Variants in CNTN4 observed in about 807,000 individuals in gnomAD.
CNTN4 encodes the protein contactin 4.
A neutral mutation model predicts 122.5 loss-of-function variants in CNTN4; 77 were observed. That is an observed-to-expected ratio of 0.63 (90% CI 0.52 to 0.76). CNTN4 has a LOEUF of 0.76. CNTN4 is among the 30% of genes least tolerant of loss of function. The probability of loss-of-function intolerance (pLI) is 0.00; values close to 1 mark genes in which losing one functional copy is unlikely to be tolerated. For synonymous variants in CNTN4, 512 were observed against 447.0 expected (o/e 1.15, Z -1.83); for missense variants, 1,256 against 1,259.1 (o/e 1.00, Z 0.04).
chr3:2,922,854 G>A (rs1242292150), intron 12 of CNTN4, among the ~76,000 whole-genome samples: 1 of 152,008 alleles, frequency 6.6e-6, no homozygotes, highest in African/African-American at 2.4e-5. Context: ...CATGTGATCT[G>A]CCCACCTCAG....
At chr3:2,722,694 G>A (rs1436047300) in intron 4 of CNTN4, among the ~76,000 whole-genome samples, 1 of 152,172 alleles carries the variant, frequency 6.6e-6, no homozygotes, top group Non-Finnish European at 1.5e-5. Context: ...TTCACAGAAA[G>A]GGTTTTTGCT....
At chr3:2,772,710 A>C (rs2091156974) in intron 6 of CNTN4, among the ~76,000 whole-genome samples, 2 of 152,234 alleles carry the variant, frequency 1.3e-5, no homozygotes, top group African/African-American at 4.8e-5. Context: ...CAGCAGTTGA[A>C]TATATGAGAA....
intron 2 of CNTN4, among the ~76,000 whole-genome samples, chr3:2,178,357 G>C (rs1236384762): frequency 6.6e-6 from 1 of 151,922 alleles, no homozygotes; most frequent in Non-Finnish European, 1.5e-5. Context: ...GTCAGAATAT[G>C]GAATAGGAAG....
intron 3 of CNTN4, among the ~76,000 whole-genome samples, chr3:2,518,717 A>T (rs1269658442): frequency 6.6e-6 from 1 of 152,174 alleles, no homozygotes; most frequent in Non-Finnish European, 1.5e-5. Flanking sequence ...GGATAAACCT[A>T]AAAGTTTTGA....
intron 3 of CNTN4, among the ~76,000 whole-genome samples, chr3:2,547,692 G>A (rs1303357139): frequency 1.3e-5 from 2 of 152,096 alleles, no homozygotes; most frequent in African/African-American, 4.8e-5. Context: ...AAATGCCTAG[G>A]GAAGGTAGCT....
chr3:2,155,503 G>A (rs2035680997), intron 2 of CNTN4, among the ~76,000 whole-genome samples: 1 of 152,168 alleles, frequency 6.6e-6, no homozygotes, highest in South Asian at 2.1e-4. Flanking sequence ...TTTCTTTTGC[G>A]AACACAGCTG....
chr3:2,158,517 C>T (rs2035821176), intron 2 of CNTN4, among the ~76,000 whole-genome samples: 1 of 152,162 alleles, frequency 6.6e-6, no homozygotes, highest in Non-Finnish European at 1.5e-5. Context: ...AATGGTTGGG[C>T]CGGATGTCCT....
intron 3 of CNTN4, among the ~76,000 whole-genome samples, chr3:2,520,651 A>G (rs1404760808): frequency 6.6e-6 from 1 of 152,096 alleles, no homozygotes; most frequent in East Asian, 1.9e-4. Context: ...AATGAGAGGG[A>G]TAGAAAAATG....
chr3:2,896,039 A>G (rs1208453709), intron 10 of CNTN4, among the ~76,000 whole-genome samples: 1 of 152,102 alleles, frequency 6.6e-6, no homozygotes, highest in Non-Finnish European at 1.5e-5. Context: ...TCTCAAAAAA[A>G]ATAAATAAAT....
intron 4 of CNTN4, among the ~76,000 whole-genome samples, chr3:2,725,748 CAG>C (rs952688506): frequency 1.3e-5 from 2 of 152,122 alleles, no homozygotes; most frequent in African/African-American, 4.8e-5. Flanking sequence ...AGTAAGTCCA[CAG>C]AGAGAAGGCT....
chr3:2,163,716 CACAA>C (rs2036062799), intron 2 of CNTN4, among the ~76,000 whole-genome samples: 1 of 151,466 alleles, frequency 6.6e-6, no homozygotes, highest in African/African-American at 2.4e-5. Context: ...AATGGAGATA[CACAA>C]ACAGCCAATA....
At chr3:3,051,530 A>G (rs1701273910) in intron 23 of CNTN4, among the ~76,000 whole-genome samples, 1 of 152,168 alleles carries the variant, frequency 6.6e-6, no homozygotes, top group African/African-American at 2.4e-5. Context: ...TCAAAGCCAG[A>G]TGTGACCTTG....
At chr3:2,931,291 A>G (rs989346840) in intron 13 of CNTN4, among the ~76,000 whole-genome samples, 1 of 152,188 alleles carries the variant, frequency 6.6e-6, no homozygotes, top group Non-Finnish European at 1.5e-5. Context: ...GAAGGATTGA[A>G]AAAAGGAGGA....
intron 7 of CNTN4, among the ~76,000 whole-genome samples, chr3:2,835,362 A>AT (rs1245659700): frequency 1.3e-5 from 2 of 152,202 alleles, no homozygotes; most frequent in African/African-American, 4.8e-5. Flanking sequence ...ACTTAACTTG[A>AT]TAGGTCAAGT....
At chr3:2,983,377 GT>G (rs1694241592) in intron 13 of CNTN4, among the ~76,000 whole-genome samples, 1 of 151,844 alleles carries the variant, frequency 6.6e-6, no homozygotes, top group Non-Finnish European at 1.5e-5. Context: ...ATCATAATGT[GT>G]TGTAGGACTT....
intron 13 of CNTN4, among the ~76,000 whole-genome samples, chr3:2,933,946 G>A (rs2094546796): frequency 6.6e-6 from 1 of 152,136 alleles, no homozygotes; most frequent in African/African-American, 2.4e-5. Context: ...ATGAGCGGAA[G>A]CCACGCCTGC....
At chr3:2,171,644 G>C (rs1001364811) in intron 2 of CNTN4, among the ~76,000 whole-genome samples, 6 of 152,150 alleles carry the variant, frequency 3.9e-5, no homozygotes, top group African/African-American at 1.2e-4. Flanking sequence ...CCAATTCTTA[G>C]AGATATTCTG....
At chr3:2,321,591 T>C (rs565456544) in intron 2 of CNTN4, among the ~76,000 whole-genome samples, 8 of 152,180 alleles carry the variant, frequency 5.3e-5, no homozygotes, top group African/African-American at 1.9e-4. Context: ...TATTATTTTT[T>C]CTTCATATCA....
rs569879414 is a variant in CNTN4 at position 2,402,845 on chromosome 3, G to A, written c.-89+63612G>A. ...AAAGTATATGAAAGTTCTTTAAGCA[G>A]GTTATACCTTACGCAGTACAAATTG... is the stretch of plus-strand genomic sequence containing the variant. On this transcript the variant is annotated intron_variant, in intron 3 of 24. Transcript: ENST00000418658. Among the ~76,000 whole-genome samples, 4 of 152,190 alleles carry A rather than the reference G, an allele frequency of 2.6e-5. No individual in the cohort carries two copies. In the South Asian group the frequency reaches 6.2e-4, roughly 24 times the overall value.
Sources: gnomAD v4.1 joint callset for allele counts (sites outside exome capture counted in the v4.1 genomes callset) on GRCh38, gnomAD v4.1.1 for gene constraint, MANE v1.5 for transcripts, NCBI Gene and HGNC (gene_info 2026-07-23, HGNC 2026-07-21) for gene names.